Variants in MDGA2 observed in about 807,000 individuals in gnomAD.
MDGA2 encodes the protein MAM domain-containing glycosylphosphatidylinositol anchor protein 2.
MDGA2 carries 40 observed loss-of-function variants against 117.8 expected under a neutral mutation model. That is an observed-to-expected ratio of 0.34 (90% CI 0.26 to 0.44). The LOEUF is 0.44. Among genes scored for constraint, MDGA2 ranks in the 20% least tolerant of loss-of-function variants. The pLI, the probability that MDGA2 is intolerant of heterozygous loss-of-function variation, is 1.00. For synonymous variants in MDGA2, 452 were observed against 439.0 expected, an observed-to-expected ratio of 1.03 and a Z score of -0.37; for missense variants, 1,123 against 1,250.6, an observed-to-expected ratio of 0.90 and a Z score of 1.54.
downstream of MDGA2, among the ~76,000 whole-genome samples, chr14:46,839,735 A>T (rs1410830821): frequency 6.6e-6 from 1 of 152,014 alleles, no homozygotes; most frequent in Non-Finnish European, 1.5e-5. Flanking sequence ...TGTCTAATTC[A>T]TTCAAATAAG....
intron 8 of MDGA2, 109 bp from the exon 9 acceptor site, chr14:46,957,752 G>A (rs1885621961): frequency 2.5e-6 from 3 of 1,211,066 alleles, no homozygotes; most frequent in South Asian, 2.8e-5. Context: ...AATAGAGGAG[G>A]AGTGTAGGAG....
At chr14:47,376,508 T>C (rs141330715) in intron 1 of MDGA2, among the ~76,000 whole-genome samples, 428 of 152,316 alleles carry the variant, frequency 2.8e-3, no homozygotes, top group South Asian at 0.02. Context: ...CATAACTTTA[T>C]TTTTAGAACA....
intron 9 of MDGA2, among the ~76,000 whole-genome samples, chr14:46,937,329 A>T (rs1369624732): frequency 6.6e-6 from 1 of 152,040 alleles, no homozygotes; most frequent in African/African-American, 2.4e-5. Context: ...AGAAGTGGAA[A>T]GACATCCCAT....
In MDGA2 at chr14:47,135,323, A is replaced by G. The variant is rs991388219; in HGVS notation, c.793-3477T>C. ...ATATATTCCTAGTGAAATCTGATCC[A>G]TTATCATGGTTCCAATGAGCACTAA... On this transcript the variant is annotated intron_variant, in intron 4 of 16. Transcript: ENST00000399232. Among the ~76,000 whole-genome samples, 14 of 152,234 alleles carry G rather than the reference A, an allele frequency of 9.2e-5. No homozygotes were observed. In the East Asian group the frequency reaches 1.9e-3, roughly 21 times the overall value.
chr14:47,287,477 G>T (rs992868285), intron 2 of MDGA2, among the ~76,000 whole-genome samples: 12 of 152,044 alleles, frequency 7.9e-5, no homozygotes, highest in African/African-American at 2.9e-4. Flanking sequence ...TTTGATATAT[G>T]TATACATTGT....
Position 47,562,203 on chromosome 14 carries a change from T to C in MDGA2, c.280+112314A>G, listed in dbSNP as rs535313267. Among the ~76,000 whole-genome samples, 4 of 152,302 alleles carry C rather than the reference T, an allele frequency of 2.6e-5. No individual in the cohort carries two copies. In the South Asian group the frequency reaches 8.3e-4, roughly 32 times the overall value. On this transcript the variant is annotated intron_variant, in intron 1 of 16. Coordinates refer to ENST00000399232, the MANE Select transcript of MDGA2 (RefSeq NM_001113498.3). ...CTGAAGTTGTATTTTTTTGTTGTTG[T>C]GTCTGCCAGGTTTTGGTATCAGCAT...
chr14:47,617,397 G>T (rs928010256), intron 1 of MDGA2, among the ~76,000 whole-genome samples: 3 of 151,892 alleles, frequency 2.0e-5, no homozygotes, highest in Non-Finnish European at 2.9e-5. Flanking sequence ...TAGAGACAGG[G>T]TTCACCATGT....
intron 1 of MDGA2, among the ~76,000 whole-genome samples, chr14:47,528,614 T>C (rs926860852): frequency 2.6e-5 from 4 of 152,178 alleles, no homozygotes; most frequent in South Asian, 2.1e-4. Flanking sequence ...GGCAACAACA[T>C]TAAGTAAAAC....
intron 6 of MDGA2, among the ~76,000 whole-genome samples, chr14:47,093,968 T>C (rs1879817630): frequency 6.6e-6 from 1 of 150,758 alleles, no homozygotes; most frequent in South Asian, 2.1e-4. Context: ...CATGACACAA[T>C]TAATCTAAGA....
intron 3 of MDGA2, among the ~76,000 whole-genome samples, chr14:47,176,999 A>G (rs1166436079): frequency 6.6e-6 from 1 of 152,136 alleles, no homozygotes; most frequent in African/African-American, 2.4e-5. Context: ...AAGGACATGA[A>G]CAGACACTTC....
At chr14:46,856,392 A>G (rs1881270519) in intron 14 of MDGA2, among the ~76,000 whole-genome samples, 1 of 152,120 alleles carries the variant, frequency 6.6e-6, no homozygotes, top group Non-Finnish European at 1.5e-5. Flanking sequence ...GATTGTATCA[A>G]TGTTCAAGAT....
At chr14:47,537,422 T>C (rs867800829) in intron 1 of MDGA2, among the ~76,000 whole-genome samples, 12 of 150,758 alleles carry the variant, frequency 8.0e-5, no homozygotes, top group Middle Eastern at 3.4e-3. Context: ...AACCTGCACG[T>C]TGTGCACATG....
At chr14:47,619,549 A>AGTG (rs1897012172) in intron 1 of MDGA2, among the ~76,000 whole-genome samples, 1 of 152,206 alleles carries the variant, frequency 6.6e-6, no homozygotes, top group Admixed American at 6.5e-5. Flanking sequence ...GATAAAGGGC[A>AGTG]CAGTGACACA....
chr14:47,148,024 T>G (rs902835598), intron 3 of MDGA2, among the ~76,000 whole-genome samples: 1 of 152,104 alleles, frequency 6.6e-6, no homozygotes, highest in Non-Finnish European at 1.5e-5. Flanking sequence ...ACTCACTGCA[T>G]TAACTGGGTA....
At chr14:47,463,882 C>A (rs944294161) in intron 1 of MDGA2, among the ~76,000 whole-genome samples, 1 of 152,038 alleles carries the variant, frequency 6.6e-6, no homozygotes, top group African/African-American at 2.4e-5. Flanking sequence ...TATGTAATGG[C>A]ATTACTTTAG....
chr14:46,992,265 G>A (rs2138436985), intron 8 of MDGA2, among the ~76,000 whole-genome samples: 1 of 152,198 alleles, frequency 6.6e-6, no homozygotes, highest in South Asian at 2.1e-4. Context: ...AAATTTGGAG[G>A]TGGCTAAATT....
intron 1 of MDGA2, among the ~76,000 whole-genome samples, chr14:47,446,348 C>G (rs1044887718): frequency 2.0e-5 from 3 of 152,090 alleles, no homozygotes; most frequent in Non-Finnish European, 2.9e-5. Context: ...CAGAATCAGT[C>G]ATTATTAGCA....
chr14:47,253,108 T>A (rs1326234160), intron 2 of MDGA2, among the ~76,000 whole-genome samples: 1 of 152,178 alleles, frequency 6.6e-6, no homozygotes, highest in Non-Finnish European at 1.5e-5. Flanking sequence ...TCCCATGACA[T>A]GTGAGGATTA....
At chr14:47,514,225 T>C (rs567870353) in intron 1 of MDGA2, among the ~76,000 whole-genome samples, 12 of 152,268 alleles carry the variant, frequency 7.9e-5, no homozygotes, top group African/African-American at 2.9e-4. Flanking sequence ...TGGCATATTT[T>C]TTTTTCTCCT....
Sources: gnomAD v4.1 joint callset for allele counts (sites outside exome capture counted in the v4.1 genomes callset) on GRCh38, gnomAD v4.1.1 for gene constraint, MANE v1.5 for transcripts, NCBI Gene and HGNC (gene_info 2026-07-23, HGNC 2026-07-21) for gene names.